Variants in POLD3 observed in about 807,000 individuals in gnomAD.
The protein encoded by POLD3 is DNA polymerase delta 3, accessory subunit, also known as DNA polymerase delta subunit 3.
Under a neutral mutation model 58.2 loss-of-function variants are expected in POLD3, and 19 were observed. The observed-to-expected ratio is 0.33, with a 90% confidence interval of 0.23 to 0.48. POLD3 has a LOEUF of 0.48. POLD3 is among the 20% of genes least tolerant of loss of function. POLD3 has a pLI of 0.99. For synonymous variants in POLD3, 172 were observed against 193.5 expected (o/e 0.89, Z 0.92); for missense variants, 504 against 545.5 (o/e 0.92, Z 0.76).
chr11:74,595,356 A>G (rs1029965690), intron 2 of POLD3: 1 of 152,020 alleles, frequency 6.6e-6, no homozygotes, highest in African/African-American at 2.4e-5. Flanking sequence ...CTCATAAATT[A>G]TGTTGATTGG....
At chr11:74,592,797 CT>C (rs2031080044) in intron 1 of POLD3, 79 bp downstream of exon 1, 3 of 1,579,748 alleles carry the variant, frequency 1.9e-6, no homozygotes, top group Middle Eastern at 1.7e-4. Flanking sequence ...CCTTGACCCT[CT>C]GTCTGCTTGT....
intron 4 of POLD3, among the ~76,000 whole-genome samples, chr11:74,648,389 C>G (rs180894756): frequency 2.0e-4 from 30 of 152,318 alleles, no homozygotes. Flanking sequence ...TATATTCTGA[C>G]TACTGTACCA....
At position 74,660,293 on chromosome 11, in the gene POLD3, G is replaced by A. The variant is rs368416057; in HGVS notation, c.370-8484G>A. On this transcript the variant is annotated intron_variant, in intron 4 of 4. Coordinates refer to the POLD3 transcript ENST00000524752. ...AATTCTGGGAGATACAATTCAAGTT[G>A]AGATTTGGGTGGGGATATAGCCAAA... Among the ~76,000 whole-genome samples, 131 of 152,256 alleles carry A rather than the reference G, an allele frequency of 8.6e-4. 2 individuals carry two copies. The South Asian group carries it at 0.027, about 31-fold the overall frequency.
chr11:74,640,910 T>C lies in POLD3; in HGVS notation c.*144T>C. The stretch of plus-strand genomic sequence containing the variant: ...TTCTTTCATCCTGTGAGGTTTATAC[T>C]ATTTCTGGTTTTTAACCAAAAGGAA... On this transcript the variant is annotated 3_prime_UTR_variant, in exon 12 of 12. Coordinates refer to ENST00000263681, the MANE Select transcript of POLD3 (RefSeq NM_006591.3). 1 of 1,277,826 alleles carries C rather than the reference T, an allele frequency of 7.8e-7. No homozygotes were observed. The allele number at this position is 1,277,826 out of a possible 1,614,324, so 79.2% of individuals were successfully genotyped here.
chr11:74,641,633 G>T lies in POLD3; in HGVS notation c.*867G>T, dbSNP rs541800714. On this transcript the variant is annotated 3_prime_UTR_variant, in exon 12 of 12. Coordinates refer to ENST00000263681, the MANE Select transcript of POLD3 (RefSeq NM_006591.3). ...ACCTAGAGAGTGAAACCCGTACAAT[G>T]AGATAAAGACTAAAAAGAGAAATCC... 3 of 985,348 alleles carry T rather than the reference G, an allele frequency of 3.0e-6. No individual in the cohort carries two copies. Among genetic ancestry groups the T allele is most frequent in the African/African-American group, 1.7e-5 (1 of 57,340 alleles). The allele number at this position is 985,348 out of a possible 1,614,324, so 61.0% of individuals were successfully genotyped here.
At chr11:74,608,973 T>C (rs746077562) in intron 3 of POLD3, among the ~76,000 whole-genome samples, 1 of 152,182 alleles carries the variant, frequency 6.6e-6, no homozygotes, top group Non-Finnish European at 1.5e-5. Flanking sequence ...AAAAAACTTA[T>C]TTGATGTTTA....
intron 4 of POLD3, among the ~76,000 whole-genome samples, chr11:74,653,596 A>G (rs1204482091): frequency 6.6e-6 from 1 of 152,378 alleles, no homozygotes; most frequent in East Asian, 1.9e-4. Flanking sequence ...GAAATGGAAT[A>G]CTAAAATTAC....
intron 2 of POLD3, among the ~76,000 whole-genome samples, chr11:74,600,140 T>G (rs1278553148): frequency 6.6e-6 from 1 of 151,106 alleles, no homozygotes; most frequent in Non-Finnish European, 1.5e-5. Context: ...AGAGATGGGG[T>G]TTCACCATGC....
rs56027280 is a variant in POLD3, at chr11:74,592,642, C to T, written c.-17C>T. The T allele has an allele frequency of 3.3e-5, 53 of 1,601,708 alleles. No homozygotes were observed. The highest frequency in any genetic ancestry group is 4.4e-5 in the Non-Finnish European group (52 of 1,173,530). ...ATTGAGAGAGGGGTTAGAGGCGGGTCCCAGCGCTGCCGCACCATGGCGGAC... is the reference window on the plus strand; with the variant it reads ...ATTGAGAGAGGGGTTAGAGGCGGGTTCCAGCGCTGCCGCACCATGGCGGAC... On this transcript the variant is annotated 5_prime_UTR_variant, in exon 1 of 12. Coordinates refer to ENST00000263681, the MANE Select transcript of POLD3 (RefSeq NM_006591.3).
chr11:74,665,930 C>T (rs560376746), intron 4 of POLD3, among the ~76,000 whole-genome samples: 11 of 152,230 alleles, frequency 7.2e-5, no homozygotes, highest in South Asian at 2.1e-4. Flanking sequence ...AAGAACAAAA[C>T]GGATTCATTT....
intron 5 of POLD3, among the ~76,000 whole-genome samples, chr11:74,617,910 G>C (rs925684469): frequency 6.6e-6 from 1 of 152,078 alleles, no homozygotes; most frequent in East Asian, 1.9e-4. Flanking sequence ...GTAGAGACAA[G>C]GTTTCACCAT....
intron 2 of POLD3, among the ~76,000 whole-genome samples, chr11:74,597,655 T>C (rs2031324148): frequency 6.6e-6 from 1 of 152,142 alleles, no homozygotes; most frequent in African/African-American, 2.4e-5. Context: ...GAGACGGGGT[T>C]TTGCTGTGTT....
chr11:74,633,814 A>G (rs950814895), intron 9 of POLD3, among the ~76,000 whole-genome samples: 1 of 152,186 alleles, frequency 6.6e-6, no homozygotes, highest in Non-Finnish European at 1.5e-5. Context: ...AGCAGAACAA[A>G]CCTTATCAGT....
chr11:74,640,226 A>G (rs1469395651), intron 11 of POLD3, among the ~76,000 whole-genome samples: 2 of 152,228 alleles, frequency 1.3e-5, no homozygotes, highest in African/African-American at 2.4e-5. Context: ...CAATTCGGAT[A>G]TAGAGTTCAG....
chr11:74,606,084 C>T (rs936254220), intron 3 of POLD3, among the ~76,000 whole-genome samples: 1 of 152,136 alleles, frequency 6.6e-6, no homozygotes, highest in Non-Finnish European at 1.5e-5. Context: ...AAAACTGGAA[C>T]GTCAATTTAG....
chr11:74,600,972 G>A (rs1456413808), intron 2 of POLD3, among the ~76,000 whole-genome samples: 1 of 152,048 alleles, frequency 6.6e-6, no homozygotes, highest in Non-Finnish European at 1.5e-5. Context: ...GCCTGCCTTG[G>A]CCTCCCAAAG....
At position 74,641,599 on chromosome 11, in the gene POLD3, A is replaced by G. The variant is rs2032915388; in HGVS notation, c.*833A>G. The G allele has an allele frequency of 1.0e-6, 1 of 985,158 alleles. No individual in the cohort carries two copies. The allele number at this position is 985,158 out of a possible 1,614,324, so 61.0% of individuals were successfully genotyped here. On this transcript the variant is annotated 3_prime_UTR_variant, in exon 12 of 12. Coordinates refer to ENST00000263681, the MANE Select transcript of POLD3 (RefSeq NM_006591.3). ...CGGTTTGTTGATCCCCTCCTCCCCC[A>G]CTCTCAATACCTAGAGAGTGAAACC...
chr11:74,604,458 A>C, intron 2 of POLD3: 1 of 398,714 alleles, frequency 2.5e-6, no homozygotes, highest in Non-Finnish European at 4.5e-6. Flanking sequence ...ATCTTATTTC[A>C]GTTAATGTAC....
chr11:74,614,783 C>A (rs982904843), intron 5 of POLD3, among the ~76,000 whole-genome samples: 2 of 151,674 alleles, frequency 1.3e-5, no homozygotes, highest in Non-Finnish European at 2.9e-5. Flanking sequence ...TGGAAGACAG[C>A]CTTTCTTGGT....
Sources: gnomAD v4.1 joint callset for allele counts (sites outside exome capture counted in the v4.1 genomes callset) on GRCh38, gnomAD v4.1.1 for gene constraint, MANE v1.5 for transcripts, NCBI Gene and HGNC (gene_info 2026-07-23, HGNC 2026-07-21) for gene names.